Variants in EPB41L5 observed in about 807,000 individuals in gnomAD.
The protein encoded by EPB41L5 is erythrocyte membrane protein band 4.1 like 5.
EPB41L5 carries 55 observed loss-of-function variants against 106.6 expected under a neutral mutation model. The ratio of observed to expected loss-of-function variants is 0.52; its 90% CI spans 0.42 to 0.65. EPB41L5 has a LOEUF of 0.65. Ranked by LOEUF, EPB41L5 falls within the 30% of genes least tolerant of loss-of-function variation. The probability of loss-of-function intolerance (pLI) is 0.00; values close to 1 mark genes in which losing one functional copy is unlikely to be tolerated. For synonymous variants in EPB41L5, 297 were observed against 306.7 expected (o/e 0.97, Z 0.33); for missense variants, 871 against 882.1 (o/e 0.99, Z 0.16).
intron 2 of EPB41L5, among the ~76,000 whole-genome samples, chr2:120,024,763 C>T (rs1678195192): frequency 6.6e-6 from 1 of 151,990 alleles, no homozygotes; most frequent in African/African-American, 2.4e-5. Context: ...CCGGCCAATC[C>T]TGTGGTTTTT....
chr2:120,033,152 G>GT (rs1263954732), intron 2 of EPB41L5, among the ~76,000 whole-genome samples: 8 of 152,122 alleles, frequency 5.3e-5, no homozygotes, highest in African/African-American at 1.9e-4. Context: ...CCCAGAATAA[G>GT]TATTATCATG....
At chr2:120,070,794 A>C (rs960043162) in intron 3 of EPB41L5, among the ~76,000 whole-genome samples, 2 of 152,222 alleles carry the variant, frequency 1.3e-5, no homozygotes, top group African/African-American at 4.8e-5. Context: ...ACAGCCCTTC[A>C]TGTTAAAAAC....
At chr2:120,106,488 T>C (rs1306979887) in intron 16 of EPB41L5, 4 of 985,116 alleles carry the variant, frequency 4.1e-6, no homozygotes, top group Non-Finnish European at 4.8e-6. Flanking sequence ...CATTTTATTA[T>C]GCCTAAAGAG....
chr2:120,103,951 G>T, intron 16 of EPB41L5: 1 of 1,225,748 alleles, frequency 8.2e-7, no homozygotes, highest in Non-Finnish European at 1.1e-6. Flanking sequence ...ACTCATAGCA[G>T]CAGTGCATGC....
intron 10 of EPB41L5, among the ~76,000 whole-genome samples, chr2:120,086,414 T>C (rs1424143647): frequency 6.6e-6 from 1 of 152,130 alleles, no homozygotes; most frequent in Non-Finnish European, 1.5e-5. Context: ...AAGCGGGCCA[T>C]AAAGCGAGGT....
intron 14 of EPB41L5, among the ~76,000 whole-genome samples, chr2:120,099,075 A>G (rs573025855): frequency 6.6e-6 from 1 of 152,332 alleles, no homozygotes; most frequent in East Asian, 1.9e-4. Context: ...ACAATAGGGG[A>G]TCGATTGCAT....
At chr2:120,036,279 T>G (rs190385112) in intron 2 of EPB41L5, among the ~76,000 whole-genome samples, 1 of 152,316 alleles carries the variant, frequency 6.6e-6, no homozygotes, top group African/African-American at 2.4e-5. Flanking sequence ...CTTTCATCTG[T>G]GGACAAAGAA....
At chr2:120,119,168 T>G (rs1181593821) in intron 16 of EPB41L5, among the ~76,000 whole-genome samples, 1 of 152,184 alleles carries the variant, frequency 6.6e-6, no homozygotes, top group Non-Finnish European at 1.5e-5. Context: ...TTGCCCACTT[T>G]TTAATGTGCT....
In EPB41L5 at chr2:120,177,795, G is replaced by A. The variant is rs1687970972; in HGVS notation, c.*2888G>A. ...ACATTTGTCTCTAGCCTTTGCCTTTGTACAATCACAGATATCCTATGGAGA... is the reference window on the plus strand; with the variant it reads ...ACATTTGTCTCTAGCCTTTGCCTTTATACAATCACAGATATCCTATGGAGA... On this transcript the variant is annotated 3_prime_UTR_variant, in exon 25 of 25. Transcript: ENST00000263713. 2.0e-5 allele frequency: 3 copies of A among 152,150 alleles called. No individual in the cohort carries two copies. The highest frequency in any genetic ancestry group is 7.2e-5 in the African/African-American group (3 of 41,422). 9.4% of individuals were successfully genotyped at this position (152,150 alleles called of 1,614,324 possible).
intron 10 of EPB41L5, among the ~76,000 whole-genome samples, chr2:120,083,068 T>G (rs1009831839): frequency 4.6e-5 from 7 of 152,162 alleles, no homozygotes; most frequent in African/African-American, 1.7e-4. Context: ...GCTCCTGGAT[T>G]GATTTTTTTG....
intron 20 of EPB41L5, 169 bp from the exon 21 acceptor site, chr2:120,160,711 TG>T: frequency 1.7e-6 from 1 of 583,226 alleles, no homozygotes; most frequent in South Asian, 2.2e-5. Context: ...TGGAGCGAGA[TG>T]ATGTCTCATC....
At chr2:120,080,121 T>TA (rs1682539386) in intron 10 of EPB41L5, among the ~76,000 whole-genome samples, 1 of 151,632 alleles carries the variant, frequency 6.6e-6, no homozygotes. Flanking sequence ...TTTTTTTTTT[T>TA]ATTATACTTT....
chr2:120,168,710 A>AACTT (rs1435879105), intron 24 of EPB41L5, among the ~76,000 whole-genome samples: 3 of 152,256 alleles, frequency 2.0e-5, no homozygotes, highest in African/African-American at 7.2e-5. Context: ...AGAGATCATT[A>AACTT]ACTTGAAAGA....
rs1259796275 is a variant in EPB41L5 at position 120,167,996 on chromosome 2, T to C, written c.2124T>C (p.Asp708=). Residue 708 remains aspartate (D), a synonymous_variant, in exon 24 of 25, where the codon GAT becomes GAC. Transcript: ENST00000263713. ...LISPPAPFLV[D]AVTSSGPILA... is the part of the protein sequence containing the mutation. ...CTCCCCCAGCGCCATTCTTGGTAGA[T>C]GCTGTGACCAGGTGAGAAAATTATT... 1.2e-6 allele frequency: 2 copies of C among 1,614,026 alleles called. No homozygotes were observed. Among genetic ancestry groups the C allele is most frequent in the African/African-American group, 2.7e-5 (2 of 74,926 alleles).
intron 2 of EPB41L5, among the ~76,000 whole-genome samples, chr2:120,040,605 G>T (rs535320225): frequency 6.6e-6 from 1 of 152,308 alleles, no homozygotes; most frequent in Non-Finnish European, 1.5e-5. Flanking sequence ...AGCAGATGCT[G>T]CAGGACATGT....
intron 16 of EPB41L5, among the ~76,000 whole-genome samples, chr2:120,127,405 T>C (rs890115030): frequency 2.0e-5 from 3 of 152,204 alleles, no homozygotes; most frequent in Non-Finnish European, 4.4e-5. Context: ...AAGTGCCTTA[T>C]ATGAAATGGT....
At chr2:120,066,240 A>C (rs764286261) in intron 3 of EPB41L5, among the ~76,000 whole-genome samples, 1 of 152,172 alleles carries the variant, frequency 6.6e-6, no homozygotes, top group Non-Finnish European at 1.5e-5. Flanking sequence ...GTAAGCGGAT[A>C]ATATAGGAAA....
At chr2:120,139,743 G>A (rs1245151664) in intron 18 of EPB41L5, among the ~76,000 whole-genome samples, 1 of 151,898 alleles carries the variant, frequency 6.6e-6, no homozygotes, top group Admixed American at 6.6e-5. Flanking sequence ...ATGTAAATTA[G>A]TACAGAAGTA....
intron 16 of EPB41L5, among the ~76,000 whole-genome samples, chr2:120,101,105 T>TG (rs760566195): frequency 3.9e-5 from 6 of 152,236 alleles, no homozygotes; most frequent in Non-Finnish European, 8.8e-5. Context: ...TAGCTTGATG[T>TG]GGTAGTGGTG....
Sources: allele counts gnomAD v4.1 joint callset (sites outside exome capture counted in the v4.1 genomes callset), GRCh38; gene constraint gnomAD v4.1.1; transcripts MANE v1.5; gene names NCBI Gene and HGNC (gene_info 2026-07-23, HGNC 2026-07-21).